FSTL5: variants seen among roughly 807,000 people sequenced by gnomAD.
The protein encoded by FSTL5 is follistatin like 5.
A neutral mutation model predicts 89.1 loss-of-function variants in FSTL5; 62 were observed. That is an observed-to-expected ratio of 0.70 (90% CI 0.57 to 0.86). The LOEUF (loss-of-function observed/expected upper bound fraction) is 0.86. Among genes scored for constraint, FSTL5 ranks in the 40% least tolerant of loss-of-function variants. The probability of loss-of-function intolerance (pLI) is 0.00; values close to 1 mark genes in which losing one functional copy is unlikely to be tolerated. For synonymous variants in FSTL5, 383 were observed against 346.2 expected (o/e 1.11, Z -1.18); for missense variants, 1,057 against 1,001.6 (o/e 1.06, Z -0.75).
At chr4:161,418,596 T>C (rs921685142) in intron 15 of FSTL5, among the ~76,000 whole-genome samples, 1 of 152,246 alleles carries the variant, frequency 6.6e-6, no homozygotes, top group African/African-American at 2.4e-5. Flanking sequence ...TCTTTATGTA[T>C]AGCTCACATT....
intron 1 of FSTL5, among the ~76,000 whole-genome samples, chr4:162,128,757 AT>A (rs1453400855): frequency 6.6e-6 from 1 of 152,136 alleles, no homozygotes; most frequent in African/African-American, 2.4e-5. Context: ...CTTCCTATGT[AT>A]TTCATTATTT....
chr4:161,721,321 G>T (rs932983329), intron 6 of FSTL5, among the ~76,000 whole-genome samples: 2 of 147,838 alleles, frequency 1.4e-5, no homozygotes, highest in African/African-American at 2.5e-5. Context: ...TTTCTAAGAA[G>T]GTAGATCTTA....
At chr4:161,636,632 T>G (rs1280772797) in intron 7 of FSTL5, among the ~76,000 whole-genome samples, 5 of 136,536 alleles carry the variant, frequency 3.7e-5, no homozygotes, top group South Asian at 4.9e-4. Context: ...CCCACCACAG[T>G]CCCCAGAGTG....
chr4:161,630,313 G>A (rs976288152), intron 7 of FSTL5, among the ~76,000 whole-genome samples: 3 of 152,066 alleles, frequency 2.0e-5, no homozygotes, highest in Non-Finnish European at 4.4e-5. Context: ...TCATATTTTC[G>A]TACTAAATGA....
chr4:161,467,354 G>C (rs1247534625), intron 13 of FSTL5, among the ~76,000 whole-genome samples: 1 of 151,998 alleles, frequency 6.6e-6, no homozygotes, highest in Non-Finnish European at 1.5e-5. Flanking sequence ...ACATCATTTG[G>C]ATACAAAAAA....
chr4:161,802,609 T>G (rs1729833716), intron 4 of FSTL5, among the ~76,000 whole-genome samples: 1 of 151,746 alleles, frequency 6.6e-6, no homozygotes, highest in Admixed American at 6.6e-5. Flanking sequence ...CCTAGGATGC[T>G]CTTCTGCATT....
chr4:161,658,017 A>C (rs1218748779), intron 6 of FSTL5, among the ~76,000 whole-genome samples: 1 of 152,234 alleles, frequency 6.6e-6, no homozygotes, highest in African/African-American at 2.4e-5. Context: ...GCTCAGCCCA[A>C]ACTCATTGTT....
At chr4:161,700,382 T>G (rs1165658639) in intron 6 of FSTL5, among the ~76,000 whole-genome samples, 1 of 152,194 alleles carries the variant, frequency 6.6e-6, no homozygotes, top group Non-Finnish European at 1.5e-5. Context: ...AATAATAATA[T>G]AAAATGAAGT....
Position 161,385,871 on chromosome 4 carries a change from C to G in FSTL5, c.2420G>C (p.Gly807Ala), listed in dbSNP as rs201875506. Residue 807 changes from glycine to alanine, a missense_variant, in exon 16 of 16, where the codon GGT (glycine) becomes GCT (alanine). By Grantham distance (60) the Gly-to-Ala change is moderately conservative. Coordinates refer to ENST00000306100, the MANE Select transcript of FSTL5 (RefSeq NM_020116.5). Reference sequence around the variant, plus strand: ...CTTGGAAGGTGTCATCAGGTATTGACCAAACAAGCCACTGTCCTGGATTTG... The same window carrying G: ...CTTGGAAGGTGTCATCAGGTATTGAGCAAACAAGCCACTGTCCTGGATTTG... ...NRQIQDSGLFGQYLMTPSKDS... is the reference protein window; with the variant it reads ...NRQIQDSGLFAQYLMTPSKDS... 161 of 1,613,852 alleles carry G rather than the reference C, an allele frequency of 1.0e-4. 1 individual carries two copies. In the East Asian group the frequency reaches 2.0e-3, roughly 20 times the overall value.
rs569788487 is a variant in FSTL5, at chr4:161,405,116, C to T, written c.1842-18667G>A. Among the ~76,000 whole-genome samples the T allele has an allele frequency of 2.1e-4, 32 of 151,834 alleles. 1 individual carries two copies. Among genetic ancestry groups the T allele is most frequent in the African/African-American group, 7.7e-4 (32 of 41,448 alleles). On this transcript the variant is annotated intron_variant, in intron 15 of 15. Coordinates refer to ENST00000306100, the MANE Select transcript of FSTL5 (RefSeq NM_020116.5). ...GGTATGGTGGTGGGCACCTGTAATCCCAACTACTTGGGAGGCTGAGGCAGG... is the reference window on the plus strand; with the variant it reads ...GGTATGGTGGTGGGCACCTGTAATCTCAACTACTTGGGAGGCTGAGGCAGG...
chr4:161,612,603 A>G (rs1734690597), intron 7 of FSTL5, among the ~76,000 whole-genome samples: 1 of 152,262 alleles, frequency 6.6e-6, no homozygotes, highest in South Asian at 2.1e-4. Flanking sequence ...ACAAAAAGTC[A>G]TGTAATTCAC....
intron 3 of FSTL5, among the ~76,000 whole-genome samples, chr4:162,022,102 A>G (rs984469379): frequency 6.6e-6 from 1 of 151,926 alleles, no homozygotes; most frequent in South Asian, 2.1e-4. Context: ...GGGAAAAAAA[A>G]AAAAAAAAGT....
chr4:161,569,750 AACACACAAACACACACACACAC>A (rs1309257826), intron 8 of FSTL5, among the ~76,000 whole-genome samples: 3 of 103,274 alleles, frequency 2.9e-5, no homozygotes, highest in African/African-American at 6.9e-5. Flanking sequence ...CTTTAAGTCC[AACACACAAACACACACACACAC>A]ACACACACAC....
At chr4:161,875,429 C>T (rs561273466) in intron 4 of FSTL5, among the ~76,000 whole-genome samples, 3 of 152,190 alleles carry the variant, frequency 2.0e-5, no homozygotes, top group African/African-American at 7.2e-5. Context: ...ACCTTTGTAA[C>T]TTCTCTTCAT....
chr4:161,459,396 T>G, intron 13 of FSTL5, 77 bp from the exon 14 acceptor site: 1 of 754,898 alleles, frequency 1.3e-6, no homozygotes, highest in Non-Finnish European at 2.2e-6. Flanking sequence ...TTATGAAGAT[T>G]CTAATTTAGA....
intron 3 of FSTL5, among the ~76,000 whole-genome samples, chr4:161,923,336 T>C (rs1241370603): frequency 6.6e-6 from 1 of 151,836 alleles, no homozygotes; most frequent in East Asian, 1.9e-4. Context: ...AAATCCAAAA[T>C]TATATCAATT....
chr4:162,058,301 T>C (rs1738616772), intron 2 of FSTL5, among the ~76,000 whole-genome samples: 1 of 152,082 alleles, frequency 6.6e-6, no homozygotes, highest in African/African-American at 2.4e-5. Context: ...GAAACCGCTA[T>C]ATTCTGGCCA....
chr4:161,995,556 G>A (rs72978679), intron 3 of FSTL5, among the ~76,000 whole-genome samples: 4,507 of 152,064 alleles, frequency 0.03, 216 homozygotes, highest in African/African-American at 0.1. Flanking sequence ...TTAAGCAGAC[G>A]GACCAGGGTT....
At chr4:161,602,239 GAGAGAGGGAGAGAA>G (rs1734271552) in intron 7 of FSTL5, among the ~76,000 whole-genome samples, 1 of 136,088 alleles carries the variant, frequency 7.3e-6, no homozygotes, top group Non-Finnish European at 1.5e-5. Flanking sequence ...GAGAGAGTGA[GAGAGAGGGAGAGAA>G]AGAGAGAGAG....
Sources: gnomAD v4.1 joint callset for allele counts (sites outside exome capture counted in the v4.1 genomes callset) on GRCh38, gnomAD v4.1.1 for gene constraint, MANE v1.5 for transcripts, NCBI Gene and HGNC (gene_info 2026-07-23, HGNC 2026-07-21) for gene names.